Variants in SRRM3 observed in about 807,000 individuals in gnomAD.
The protein encoded by SRRM3 is serine/arginine repetitive matrix 3.
Under a neutral mutation model 66.2 loss-of-function variants are expected in SRRM3, and 27 were observed. That is an observed-to-expected ratio of 0.41 (90% CI 0.30 to 0.56). The LOEUF is 0.56. SRRM3 is among the 20% of genes least tolerant of loss of function. The pLI, the probability that SRRM3 is intolerant of heterozygous loss-of-function variation, is 0.32. For missense variants in SRRM3, 918 were observed against 991.9 expected, an observed-to-expected ratio of 0.93 and a Z score of 1.00; for synonymous variants, 391 against 414.9, an observed-to-expected ratio of 0.94 and a Z score of 0.70.
At chr7:76,246,182 T>G (rs1269945086) in intron 2 of SRRM3, among the ~76,000 whole-genome samples, 2 of 152,228 alleles carry the variant, frequency 1.3e-5, no homozygotes, top group Non-Finnish European at 2.9e-5. Flanking sequence ...TGCAAAGTGC[T>G]ATAATGACAT....
intron 1 of SRRM3, among the ~76,000 whole-genome samples, chr7:76,221,323 G>T (rs1482758737): frequency 6.7e-6 from 1 of 150,076 alleles, no homozygotes. Flanking sequence ...CCAAATTGCT[G>T]GGATTACAGG....
At position 76,226,058 on chromosome 7, in the gene SRRM3, C is replaced by T. The variant is rs547530823; in HGVS notation, c.-39-8970C>T. On this transcript the variant is annotated intron_variant, in intron 1 of 14. Transcript: ENST00000611745. ...TCCCCCAGACCTGACCAGGTCACTA[C>T]GATCTGAGCATCTTCTCCCTCTGAG... 8.5e-5 allele frequency among the ~76,000 whole-genome samples: 13 copies of T among 152,340 alleles called. No homozygotes were observed. The East Asian group carries it at 1.5e-3, about 18-fold the overall frequency.
In SRRM3 at chr7:76,248,273, C is replaced by T. The variant is rs372465994; in HGVS notation, c.319C>T (p.Arg107Trp). Residue 107 changes from arginine (R) to tryptophan (W), a missense_variant, in exon 3 of 15, where the codon CGG becomes TGG. Physicochemically the swap from Arg to Trp is moderately radical, Grantham distance 101. Coordinates refer to ENST00000611745, the MANE Select transcript of SRRM3 (RefSeq NM_001110199.3). Reference protein sequence around the residue: ...EKEGVLTREDRPGGHIVAETP... With the variant: ...EKEGVLTREDWPGGHIVAETP... ...GGAGGGAGTGCTCACCAGGGAGGACCGGCCTGGGGGCCACATGTGAGTGCT... is the reference window on the plus strand; with the variant it reads ...GGAGGGAGTGCTCACCAGGGAGGACTGGCCTGGGGGCCACATGTGAGTGCT... 1.6e-5 allele frequency: 26 copies of T among 1,613,242 alleles called. No individual in the cohort carries two copies. The highest frequency in any genetic ancestry group is 2.2e-5 in the South Asian group (2 of 90,970).
In SRRM3 at chr7:76,265,353, A is replaced by G. The variant is rs782679811; in HGVS notation, c.726-11A>G. 4 of 1,588,220 alleles carry G rather than the reference A, an allele frequency of 2.5e-6. No individual in the cohort carries two copies. The highest frequency in any genetic ancestry group is 4.7e-5 in the East Asian group (2 of 42,730). On this transcript the variant is annotated splice_polypyrimidine_tract_variant and intron_variant, in intron 9 of 14. Transcript: ENST00000611745. ...ATTGAGGTACAGGCTGATTTCCCCC[A>G]TCCACGCCAGGCCTCACACAGAGTC...
intron 2 of SRRM3, among the ~76,000 whole-genome samples, chr7:76,235,763 T>TG (rs1487719278): frequency 3.3e-5 from 5 of 151,672 alleles, no homozygotes; most frequent in Admixed American, 3.3e-4. Context: ...CCCAGAACTT[T>TG]GGGGGGCCTA....
At chr7:76,204,836 G>T (rs1471000132) in intron 1 of SRRM3, among the ~76,000 whole-genome samples, 2 of 152,184 alleles carry the variant, frequency 1.3e-5, no homozygotes, top group Non-Finnish European at 2.9e-5. Context: ...ACTTTGGGAG[G>T]CCAAGGCAGG....
chr7:76,232,080 T>C (rs555992919), intron 1 of SRRM3, among the ~76,000 whole-genome samples: 29 of 152,264 alleles, frequency 1.9e-4, no homozygotes, highest in African/African-American at 6.3e-4. Context: ...TGCCATGTAT[T>C]CCTCTCTCTT....
At chr7:76,245,690 G>GTTTGT in intron 2 of SRRM3, among the ~76,000 whole-genome samples, 1 of 152,126 alleles carries the variant, frequency 6.6e-6, no homozygotes, top group East Asian at 1.9e-4. Context: ...TTGTTTGTTT[G>GTTTGT]TTTGTTTTGT....
At chr7:76,283,151 C>T in intron 14 of SRRM3, 50 bp downstream of exon 14, 1 of 1,358,388 alleles carries the variant, frequency 7.4e-7, no homozygotes, top group Non-Finnish European at 9.4e-7. Flanking sequence ...GGCCGCTGAC[C>T]CGGATCAGGG....
At chr7:76,206,563 C>T (rs894346559) in intron 1 of SRRM3, among the ~76,000 whole-genome samples, 2 of 152,230 alleles carry the variant, frequency 1.3e-5, no homozygotes, top group East Asian at 1.9e-4. Flanking sequence ...CGCAGGAGGG[C>T]GACATCTCCA....
At chr7:76,261,009 G>T in intron 6 of SRRM3, 106 bp downstream of exon 6, 1 of 1,220,708 alleles carries the variant, frequency 8.2e-7, no homozygotes, top group South Asian at 1.4e-5. Context: ...CTCAGGGCCT[G>T]CACCTGGACA....
chr7:76,259,454 G>C (rs1468831560), intron 3 of SRRM3, among the ~76,000 whole-genome samples: 1 of 151,938 alleles, frequency 6.6e-6, no homozygotes, highest in African/African-American at 2.4e-5. Flanking sequence ...GTCCACGCCT[G>C]TAGTCCCAGC....
chr7:76,217,063 G>A (rs2116952827), intron 1 of SRRM3, among the ~76,000 whole-genome samples: 1 of 152,286 alleles, frequency 6.6e-6, no homozygotes, highest in South Asian at 2.1e-4. Flanking sequence ...CAGGTGGAAG[G>A]GGCCGGACTG....
intron 2 of SRRM3, among the ~76,000 whole-genome samples, chr7:76,243,127 T>C (rs1340808521): frequency 1.3e-5 from 2 of 152,152 alleles, no homozygotes; most frequent in African/African-American, 4.8e-5. Flanking sequence ...AGGGGACTAA[T>C]ATCCAGATGA....
intron 12 of SRRM3, 42 bp downstream of exon 12, chr7:76,281,844 CG>C: frequency 8.3e-7 from 1 of 1,206,392 alleles, no homozygotes; most frequent in Non-Finnish European, 1.0e-6. Context: ...GCCCCCACCC[CG>C]CACAGGGCTC....
intron 12 of SRRM3, 103 bp downstream of exon 12, chr7:76,281,905 A>AC (rs2117117801): frequency 1.1e-6 from 1 of 917,302 alleles, no homozygotes; most frequent in East Asian, 7.6e-5. Flanking sequence ...GCGCTGAGCT[A>AC]CCCTCCAGGG....
At chr7:76,229,376 T>C (rs923704721) in intron 1 of SRRM3, among the ~76,000 whole-genome samples, 3 of 152,228 alleles carry the variant, frequency 2.0e-5, no homozygotes, top group African/African-American at 4.8e-5. Context: ...ATTTGGCAAA[T>C]CTGGCAATGC....
At chr7:76,228,495 C>T (rs1482518389) in intron 1 of SRRM3, among the ~76,000 whole-genome samples, 1 of 151,934 alleles carries the variant, frequency 6.6e-6, no homozygotes, top group South Asian at 2.1e-4. Flanking sequence ...GAGGCCGAGG[C>T]GGGTGGATCA....
At chr7:76,277,420 G>A (rs1802375640) in intron 11 of SRRM3, among the ~76,000 whole-genome samples, 1 of 152,094 alleles carries the variant, frequency 6.6e-6, no homozygotes, top group Non-Finnish European at 1.5e-5. Flanking sequence ...CAGGCCAGGC[G>A]GGGTGGCTCA....
Sources: allele counts gnomAD v4.1 joint callset (sites outside exome capture counted in the v4.1 genomes callset), GRCh38; gene constraint gnomAD v4.1.1; transcripts MANE v1.5; gene names NCBI Gene and HGNC (gene_info 2026-07-23, HGNC 2026-07-21).